Variants in SGPP1 observed in about 807,000 individuals in gnomAD.
SGPP1 encodes sphingosine-1-phosphate phosphatase 1.
A neutral mutation model predicts 33.0 loss-of-function variants in SGPP1; 21 were observed. The observed-to-expected ratio is 0.64, with a 90% confidence interval of 0.45 to 0.92. The LOEUF is 0.92. Ranked by LOEUF, SGPP1 falls within the 40% of genes least tolerant of loss-of-function variation. The pLI is 0.00. For missense variants in SGPP1, 543 were observed against 589.4 expected, an observed-to-expected ratio of 0.92 and a Z score of 0.81; for synonymous variants, 239 against 241.2, an observed-to-expected ratio of 0.99 and a Z score of 0.08.
In SGPP1 at chr14:63,684,589, T is replaced by TTA. The variant is rs1411656454; in HGVS notation, c.*1514_*1515dup. 6.6e-6 allele frequency: 1 copy of TTA among 152,488 alleles called. No homozygotes were observed. Among genetic ancestry groups the TTA allele is most frequent in the Non-Finnish European group, 1.5e-5 (1 of 67,918 alleles). The allele number at this position is 152,488 out of a possible 1,614,324, so 9.4% of individuals were successfully genotyped here. ...ATTATAAAAATATGAGCTCAAATAG[T>TTA]TATGGTGCCCAAAATAGAAACATCT... On this transcript the variant is annotated 3_prime_UTR_variant, in exon 3 of 3. Coordinates refer to ENST00000247225, the MANE Select transcript of SGPP1 (RefSeq NM_030791.4).
rs73265713 is a variant in SGPP1, at chr14:63,701,443, G to C, written c.685-2785C>G. On this transcript the variant is annotated intron_variant, in intron 1 of 2. Coordinates refer to ENST00000247225, the MANE Select transcript of SGPP1 (RefSeq NM_030791.4). ...GTTACAGTATTAAATAGAAGATAGT[G>C]TAGGCTTTATTGAGAAGTTGAGATT... Among the ~76,000 whole-genome samples the C allele has an allele frequency of 7.4e-3, 1,125 of 152,296 alleles. 16 individuals are homozygous for C. The highest frequency in any genetic ancestry group is 0.03 in the South Asian group (143 of 4,826).
intron 1 of SGPP1, among the ~76,000 whole-genome samples, chr14:63,703,849 G>A (rs1374003972): frequency 4.0e-5 from 5 of 126,526 alleles, no homozygotes; most frequent in Non-Finnish European, 6.3e-5. Flanking sequence ...GTGGGGTCTC[G>A]CTTTATCACC....
At chr14:63,690,385 G>A (rs1885068011) in intron 2 of SGPP1, among the ~76,000 whole-genome samples, 1 of 152,194 alleles carries the variant, frequency 6.6e-6, no homozygotes, top group South Asian at 2.1e-4. Context: ...GTCATGAAAT[G>A]ACAGGGTCCG....
chr14:63,727,671 C>T lies in SGPP1; in HGVS notation c.274G>A (p.Gly92Arg), dbSNP rs1442801590. The T allele has an allele frequency of 2.2e-6, 3 of 1,336,892 alleles. No individual in the cohort carries two copies. The highest frequency in any genetic ancestry group is 6.2e-5 in the East Asian group (2 of 32,196). 82.8% of individuals were successfully genotyped at this position (1,336,892 alleles called of 1,614,324 possible). A position where few individuals can be genotyped will look rare whatever the true frequency, so the allele number is the denominator to read the frequency against. The change falls in exon 1 of 3, where the codon GGG becomes AGG. Residue 92 changes from glycine to arginine, a missense_variant. Physicochemically the swap from Gly to Arg is moderately radical, Grantham distance 125 (BLOSUM62 -2). Transcript: ENST00000247225. ...GGGAPNGVRN[G>R]LAAELGPASP... The stretch of plus-strand genomic sequence containing the variant: ...GCCGGGCCCAGCTCGGCCGCCAGCC[C>T]GTTCCGCACGCCGTTGGGGGCGCCG...
chr14:63,724,436 C>A (rs1885833823), intron 1 of SGPP1, among the ~76,000 whole-genome samples: 1 of 151,822 alleles, frequency 6.6e-6, no homozygotes, highest in African/African-American at 2.4e-5. Flanking sequence ...GGCAAGACTG[C>A]CAACCAAAAC....
chr14:63,693,831 C>T (rs1285754191), intron 2 of SGPP1, among the ~76,000 whole-genome samples: 1 of 152,184 alleles, frequency 6.6e-6, no homozygotes, highest in Non-Finnish European at 1.5e-5. Context: ...CCAGGTTGGT[C>T]TTGAACTCCT....
At chr14:63,697,366 G>A (rs183284879) in intron 2 of SGPP1, among the ~76,000 whole-genome samples, 15 of 147,668 alleles carry the variant, frequency 1.0e-4, no homozygotes, top group Non-Finnish European at 2.2e-4. Flanking sequence ...GAAATAATAT[G>A]AGAAAAAAAA....
intron 1 of SGPP1, among the ~76,000 whole-genome samples, chr14:63,712,227 C>T (rs1217981555): frequency 1.3e-5 from 2 of 152,020 alleles, no homozygotes; most frequent in Non-Finnish European, 2.9e-5. Context: ...CTATAAATTT[C>T]AGTACTTATC....
chr14:63,721,632 G>A (rs976499714), intron 1 of SGPP1, among the ~76,000 whole-genome samples: 1 of 152,062 alleles, frequency 6.6e-6, no homozygotes, highest in Non-Finnish European at 1.5e-5. Flanking sequence ...GGTCTTTACT[G>A]TGACCTACTT....
chr14:63,714,110 C>G (rs187610186), intron 1 of SGPP1, among the ~76,000 whole-genome samples: 2 of 152,258 alleles, frequency 1.3e-5, no homozygotes, highest in African/African-American at 4.8e-5. Context: ...CCACCCAGAT[C>G]CTGAGGCTTT....
intron 2 of SGPP1, among the ~76,000 whole-genome samples, chr14:63,694,043 G>A (rs148242769): frequency 3.6e-4 from 55 of 152,328 alleles, no homozygotes; most frequent in Non-Finnish European, 6.9e-4. Context: ...ACATTGAGAG[G>A]TCAGGGCGAG....
chr14:63,709,685 A>G (rs976073526), intron 1 of SGPP1, among the ~76,000 whole-genome samples: 1 of 152,210 alleles, frequency 6.6e-6, no homozygotes, highest in Non-Finnish European at 1.5e-5. Flanking sequence ...TAGAGTAGAA[A>G]GTAAAAATTA....
chr14:63,706,966 A>G (rs1566821873), intron 1 of SGPP1, among the ~76,000 whole-genome samples: 1 of 147,612 alleles, frequency 6.8e-6, no homozygotes, highest in South Asian at 2.3e-4. Flanking sequence ...TCACTTGAAC[A>G]TGGAGGCAGA....
intron 1 of SGPP1, among the ~76,000 whole-genome samples, chr14:63,700,905 C>A (rs1355103806): frequency 2.6e-5 from 4 of 152,264 alleles, no homozygotes; most frequent in Non-Finnish European, 5.9e-5. Context: ...ACGAGACGGG[C>A]AAGCTTCCAT....
chr14:63,727,663 C>A lies in SGPP1; in HGVS notation c.282G>T (p.Ala94=), dbSNP rs1885917019. ...GCGGCGAGGCCGGGCCCAGCTCGGC[C>A]GCCAGCCCGTTCCGCACGCCGTTGG... ...GAPNGVRNGL[A]AELGPASPRR... Residue 94 remains alanine (A), a synonymous_variant, in exon 1 of 3, where the codon GCG becomes GCT. Transcript: ENST00000247225. The A allele has an allele frequency of 1.2e-5, 16 of 1,340,766 alleles. 1 individual carries two copies. The South Asian group carries it at 2.9e-4, about 24-fold the overall frequency. 83.1% of individuals were successfully genotyped at this position (1,340,766 alleles called of 1,614,324 possible). A position where few individuals can be genotyped will look rare whatever the true frequency, so the allele number is the denominator to read the frequency against.
intron 1 of SGPP1, among the ~76,000 whole-genome samples, chr14:63,699,905 T>C (rs892257747): frequency 2.6e-5 from 4 of 152,148 alleles, no homozygotes; most frequent in African/African-American, 9.7e-5. Context: ...CTTCCTCTTT[T>C]TGTTCTTTAA....
chr14:63,686,677 C>T (rs769164465), intron 2 of SGPP1, 21 bp from the exon 3 acceptor site: 20 of 1,524,860 alleles, frequency 1.3e-5, no homozygotes, highest in Admixed American at 8.9e-5. Context: ...ATAAAAGTAT[C>T]GTTGTTTAGT....
intron 1 of SGPP1, among the ~76,000 whole-genome samples, chr14:63,702,353 CTT>C (rs1164547679): frequency 6.6e-6 from 1 of 151,998 alleles, no homozygotes; most frequent in Non-Finnish European, 1.5e-5. Flanking sequence ...TATTGACCGA[CTT>C]TTTTTGGTCA....
At chr14:63,711,757 C>T (rs1885528224) in intron 1 of SGPP1, among the ~76,000 whole-genome samples, 2 of 152,138 alleles carry the variant, frequency 1.3e-5, no homozygotes, top group South Asian at 4.1e-4. Flanking sequence ...AGTACTTTTG[C>T]TGGCCATGGT....
Sources: allele counts gnomAD v4.1 joint callset (sites outside exome capture counted in the v4.1 genomes callset), GRCh38; gene constraint gnomAD v4.1.1; transcripts MANE v1.5; gene names NCBI Gene and HGNC (gene_info 2026-07-23, HGNC 2026-07-21).